The following NVL variants were observed in gnomAD, a reference collection of about 807,000 sequenced individuals.
The protein encoded by NVL is nuclear valosin-containing protein-like.
NVL carries 84 observed loss-of-function variants against 110.2 expected under a neutral mutation model. The ratio of observed to expected loss-of-function variants is 0.76; its 90% CI spans 0.64 to 0.91. NVL has a LOEUF of 0.91. NVL is among the 40% of genes least tolerant of loss of function. The pLI is 0.00. For missense variants in NVL, 882 were observed against 1,035.9 expected (o/e 0.85, Z 2.04); for synonymous variants, 354 against 361.1 (o/e 0.98, Z 0.22).
intron 20 of NVL, 63 bp downstream of exon 20, chr1:224,236,443 T>C (rs1296370055): frequency 7.9e-7 from 1 of 1,272,464 alleles, no homozygotes; most frequent in African/African-American, 1.5e-5. Flanking sequence ...TCATCACCCC[T>C]CATTTTATAG....
At position 224,303,672 on chromosome 1, in the gene NVL, AAAT is replaced by A. The variant is rs1429217635; in HGVS notation, c.960+48_960+50del. ...TTGACCAAAGAGAAAAAACAAAAAC[AAAT>A]AATAACAACAAAAACAGCAAAAGCA... On this transcript the variant is annotated intron_variant, in intron 9 of 22. Transcript: ENST00000281701. The A allele has an allele frequency of 1.9e-6, 3 of 1,578,640 alleles. No individual in the cohort carries two copies. The Admixed American group carries it at 5.5e-5, about 29-fold the overall frequency.
intron 15 of NVL, among the ~76,000 whole-genome samples, chr1:224,281,962 A>AC (rs1180034465): frequency 6.6e-6 from 1 of 151,908 alleles, no homozygotes; most frequent in Non-Finnish European, 1.5e-5. Context: ...CAAAAAAAAA[A>AC]AAAAAGGAAA....
chr1:224,287,311 T>TA (rs1179497552), intron 14 of NVL, among the ~76,000 whole-genome samples: 18 of 151,582 alleles, frequency 1.2e-4, no homozygotes, highest in Admixed American at 1.2e-3. Context: ...GGTTAACGGG[T>TA]AAAAAAAATA....
Position 224,319,330 on chromosome 1 carries a change from C to T in NVL, c.132-1400G>A, listed in dbSNP as rs554977705. ...TTTCTTTCTTTTTGTTTTTTTGAAA[C>T]GGAGTCTCGCTCTGTGGCCCAGGCT... On this transcript the variant is annotated intron_variant, in intron 2 of 22. Coordinates refer to ENST00000281701, the MANE Select transcript of NVL (RefSeq NM_002533.4). Among the ~76,000 whole-genome samples the T allele has an allele frequency of 1.6e-4, 24 of 150,668 alleles. No homozygotes were observed. The South Asian group carries it at 4.5e-3, about 28-fold the overall frequency.
chr1:224,299,187 T>C (rs16846293), intron 10 of NVL, among the ~76,000 whole-genome samples: 9,084 of 152,144 alleles, frequency 0.06, 847 homozygotes, highest in African/African-American at 0.2. Context: ...CTTATGACAA[T>C]GTTTGCAAAA....
chr1:224,272,934 T>A (rs1241372494), intron 17 of NVL, among the ~76,000 whole-genome samples: 1 of 144,516 alleles, frequency 6.9e-6, no homozygotes, highest in East Asian at 2.0e-4. Context: ...CTTGGGAGGC[T>A]GAGGCAGGAG....
At chr1:224,270,457 C>T (rs1235988493) in intron 17 of NVL, among the ~76,000 whole-genome samples, 1 of 152,156 alleles carries the variant, frequency 6.6e-6, no homozygotes, top group Non-Finnish European at 1.5e-5. Context: ...GCACGGGAAG[C>T]TGAGGCAGAA....
chr1:224,298,468 T>G, intron 10 of NVL: 1 of 170,868 alleles, frequency 5.9e-6, no homozygotes. Context: ...CTGAAACACA[T>G]GGAGGAAAAT....
At chr1:224,292,322 G>A (rs967702791) in intron 12 of NVL, among the ~76,000 whole-genome samples, 4 of 152,084 alleles carry the variant, frequency 2.6e-5, no homozygotes, top group African/African-American at 9.7e-5. Flanking sequence ...ATTGTGCTAG[G>A]TTATGTTAAT....
intron 17 of NVL, among the ~76,000 whole-genome samples, chr1:224,268,584 C>G (rs184772505): frequency 2.0e-5 from 3 of 152,306 alleles, no homozygotes; most frequent in Non-Finnish European, 2.9e-5. Context: ...AATCCTCTTG[C>G]CTCAGCCTCC....
rs1195416326 is a variant in NVL, at chr1:224,273,556, C to G, written c.2082+1783G>C. The stretch of plus-strand genomic sequence containing the variant: ...GTTAGACATGTACTTCATACGGCTA[C>G]AGACTTCTTTGAGGGCAACAGTTGA... On this transcript the variant is annotated intron_variant, in intron 17 of 22. Coordinates refer to ENST00000281701, the MANE Select transcript of NVL (RefSeq NM_002533.4). Among the ~76,000 whole-genome samples the G allele has an allele frequency of 4.6e-5, 7 of 152,184 alleles. No homozygotes were observed. The South Asian group carries it at 8.3e-4, about 18-fold the overall frequency.
At chr1:224,243,909 C>T (rs1661502635) in intron 19 of NVL, among the ~76,000 whole-genome samples, 1 of 151,706 alleles carries the variant, frequency 6.6e-6, no homozygotes, top group African/African-American at 2.4e-5. Context: ...ATTCGCCTGT[C>T]TCAGTCTCCC....
chr1:224,237,973 A>AG (rs1016164641), intron 19 of NVL, among the ~76,000 whole-genome samples: 1 of 12,992 alleles, frequency 7.7e-5, no homozygotes, highest in African/African-American at 1.3e-4. Context: ...AAAAAAAAAA[A>AG]AAAAAAAAAA....
intron 18 of NVL, among the ~76,000 whole-genome samples, chr1:224,258,800 G>A (rs1379295854): frequency 6.6e-6 from 1 of 151,868 alleles, no homozygotes; most frequent in Non-Finnish European, 1.5e-5. Context: ...CCCTCATATT[G>A]TATAATGCTA....
At position 224,300,512 on chromosome 1, in the gene NVL, T is replaced by C. The variant is rs759025112; in HGVS notation, c.1062+50A>G. ...GCATCAGAAAAAGCAGGATCTTTAA[T>C]ATAAGCTGGTAGCGTCTGACCACCT... is the stretch of plus-strand genomic sequence containing the variant. On this transcript the variant is annotated intron_variant, in intron 10 of 22. Coordinates refer to ENST00000281701, the MANE Select transcript of NVL (RefSeq NM_002533.4). 6.9e-6 allele frequency: 9 copies of C among 1,308,764 alleles called. No homozygotes were observed. In the East Asian group the frequency reaches 7.0e-5, roughly 10 times the overall value. The allele number at this position is 1,308,764 out of a possible 1,614,324, so 81.1% of individuals were successfully genotyped here.
At chr1:224,323,126 G>A (rs1163182025) in intron 2 of NVL, among the ~76,000 whole-genome samples, 1 of 152,164 alleles carries the variant, frequency 6.6e-6, no homozygotes, top group Non-Finnish European at 1.5e-5. Flanking sequence ...GCAGGATATT[G>A]GAAATTGGAA....
At chr1:224,247,055 CAAA>C (rs57687356) in intron 19 of NVL, among the ~76,000 whole-genome samples, 1 of 93,516 alleles carries the variant, frequency 1.1e-5, no homozygotes, top group Non-Finnish European at 2.2e-5. Flanking sequence ...CATACTGTGT[CAAA>C]AAAAAAAAAA....
intron 18 of NVL, among the ~76,000 whole-genome samples, chr1:224,260,902 G>C (rs1390483724): frequency 1.3e-5 from 2 of 151,764 alleles, no homozygotes; most frequent in Non-Finnish European, 2.9e-5. Flanking sequence ...TTGAGACAGA[G>C]TCTTGCTCTG....
intron 2 of NVL, among the ~76,000 whole-genome samples, chr1:224,318,381 T>C (rs1457559191): frequency 6.6e-6 from 1 of 151,700 alleles, no homozygotes; most frequent in Non-Finnish European, 1.5e-5. Flanking sequence ...GGTGGGAGAA[T>C]CACTTGAGCC....
Sources: allele counts gnomAD v4.1 joint callset (sites outside exome capture counted in the v4.1 genomes callset), GRCh38; gene constraint gnomAD v4.1.1; transcripts MANE v1.5; gene names NCBI Gene and HGNC (gene_info 2026-07-23, HGNC 2026-07-21).